The following RCAN2 variants were observed in gnomAD, a reference collection of about 807,000 sequenced individuals.
RCAN2 encodes the protein regulator of calcineurin 2.
Under a neutral mutation model 23.6 loss-of-function variants are expected in RCAN2, and 9 were observed. That is an observed-to-expected ratio of 0.38 (90% CI 0.23 to 0.67). The LOEUF is 0.67. RCAN2 is among the 30% of genes least tolerant of loss of function. The pLI is 0.51. For missense variants in RCAN2, 273 were observed against 302.3 expected, an observed-to-expected ratio of 0.90 and a Z score of 0.72; for synonymous variants, 109 against 115.7, an observed-to-expected ratio of 0.94 and a Z score of 0.37.
At chr6:46,368,792 G>A (rs1899407) in intron 2 of RCAN2, among the ~76,000 whole-genome samples, 62,094 of 151,954 alleles carry the variant, frequency 0.41, 15,634 homozygotes, top group East Asian at 0.59. Context: ...AGTGAGTGGC[G>A]AGTGAATGTG....
intron 2 of RCAN2, among the ~76,000 whole-genome samples, chr6:46,368,064 A>G (rs974418161): frequency 1.3e-5 from 2 of 152,120 alleles, no homozygotes; most frequent in Non-Finnish European, 2.9e-5. Flanking sequence ...GATAGTAACT[A>G]TTTTGGGCTT....
intron 2 of RCAN2, among the ~76,000 whole-genome samples, chr6:46,286,293 T>C (rs1480538314): frequency 6.6e-6 from 1 of 152,222 alleles, no homozygotes; most frequent in Non-Finnish European, 1.5e-5. Context: ...GTCATTTTCT[T>C]TTTTCTCTCC....
chr6:46,322,997 T>C (rs1429268987), intron 2 of RCAN2, among the ~76,000 whole-genome samples: 1 of 152,238 alleles, frequency 6.6e-6, no homozygotes, highest in Non-Finnish European at 1.5e-5. Context: ...CTTTGCTTTT[T>C]AATAATGTTA....
chr6:46,360,152 A>G (rs903884169), intron 2 of RCAN2, among the ~76,000 whole-genome samples: 5 of 152,082 alleles, frequency 3.3e-5, no homozygotes, highest in Non-Finnish European at 7.4e-5. Context: ...TTTCAAACCA[A>G]CTATGCAGTT....
At chr6:46,302,591 C>G (rs1386773101) in intron 2 of RCAN2, among the ~76,000 whole-genome samples, 1 of 152,082 alleles carries the variant, frequency 6.6e-6, no homozygotes, top group East Asian at 1.9e-4. Flanking sequence ...TAAACAAATG[C>G]TTGGTGTTTA....
chr6:46,455,045 G>A (rs1284429254), intron 2 of RCAN2, among the ~76,000 whole-genome samples: 1 of 152,216 alleles, frequency 6.6e-6, no homozygotes, highest in African/African-American at 2.4e-5. Context: ...GTGATATTTA[G>A]AGAAATGGAT....
At chr6:46,489,324 T>G (rs1485158495) in intron 1 of RCAN2, among the ~76,000 whole-genome samples, 4 of 152,232 alleles carry the variant, frequency 2.6e-5, no homozygotes, top group Admixed American at 2.6e-4. Flanking sequence ...TCATTACCAT[T>G]TATTTTCTTC....
intron 2 of RCAN2, among the ~76,000 whole-genome samples, chr6:46,302,207 G>C (rs184649878): frequency 5.9e-5 from 9 of 152,224 alleles, no homozygotes. Flanking sequence ...TCTGTGGCCT[G>C]AGCAACTGGG....
At chr6:46,390,382 T>A (rs1324576075) in intron 2 of RCAN2, among the ~76,000 whole-genome samples, 2 of 152,234 alleles carry the variant, frequency 1.3e-5, no homozygotes, top group Non-Finnish European at 2.9e-5. Context: ...TTGTTCTCAC[T>A]GCATTTGTGG....
intron 2 of RCAN2, among the ~76,000 whole-genome samples, chr6:46,347,925 G>T (rs1225908320): frequency 1.3e-5 from 2 of 152,158 alleles, no homozygotes; most frequent in East Asian, 3.8e-4. Context: ...TTCTTTCTTG[G>T]CATAGTAATG....
chr6:46,354,659 G>A (rs1352829438), intron 2 of RCAN2, among the ~76,000 whole-genome samples: 1 of 152,176 alleles, frequency 6.6e-6, no homozygotes, highest in African/African-American at 2.4e-5. Flanking sequence ...AAGCTCCCAG[G>A]TGATAGCAAA....
rs569865798 is a variant in RCAN2, at chr6:46,310,074, T to C, written c.226-61178A>G. On this transcript the variant is annotated intron_variant, in intron 2 of 4. Coordinates refer to ENST00000371374, the MANE Select transcript of RCAN2 (RefSeq NM_001251974.2). ...GACTAAGATTTTGAGGTAAGGTGTTTCCCATCCTTTGGGTGTTACAAAGTG... is the reference window on the plus strand; with the variant it reads ...GACTAAGATTTTGAGGTAAGGTGTTCCCCATCCTTTGGGTGTTACAAAGTG... Among the ~76,000 whole-genome samples, 3 of 152,256 alleles carry C rather than the reference T, an allele frequency of 2.0e-5. No homozygotes were observed. The East Asian group carries it at 5.8e-4, about 29-fold the overall frequency.
chr6:46,491,695 A>T (rs1024074966), upstream of RCAN2, among the ~76,000 whole-genome samples: 1 of 150,680 alleles, frequency 6.6e-6, no homozygotes, highest in Non-Finnish European at 1.5e-5. Context: ...GGGAGGGCGC[A>T]GGAGCCTCCG....
intron 2 of RCAN2, among the ~76,000 whole-genome samples, chr6:46,433,432 C>T (rs1767274682): frequency 1.3e-5 from 2 of 152,096 alleles, no homozygotes; most frequent in African/African-American, 2.4e-5. Context: ...GATGCGATTA[C>T]ATTAAGGACT....
At chr6:46,284,886 T>C (rs1257684805) in intron 2 of RCAN2, among the ~76,000 whole-genome samples, 1 of 152,242 alleles carries the variant, frequency 6.6e-6, no homozygotes, top group Non-Finnish European at 1.5e-5. Flanking sequence ...AATACTCAAC[T>C]GTTAAGATGC....
At chr6:46,452,406 A>C (rs998386326) in intron 2 of RCAN2, among the ~76,000 whole-genome samples, 6 of 152,328 alleles carry the variant, frequency 3.9e-5, no homozygotes, top group African/African-American at 1.4e-4. Flanking sequence ...GTTGCATTAC[A>C]TGTTCATGAT....
intron 4 of RCAN2, among the ~76,000 whole-genome samples, chr6:46,230,336 T>G (rs996925423): frequency 6.6e-6 from 1 of 152,222 alleles, no homozygotes; most frequent in African/African-American, 2.4e-5. Flanking sequence ...TGAAGAAGTT[T>G]CTGCTGCCTT....
intron 2 of RCAN2, among the ~76,000 whole-genome samples, chr6:46,288,878 C>T (rs939153901): frequency 2.6e-5 from 4 of 152,256 alleles, no homozygotes; most frequent in Admixed American, 1.3e-4. Flanking sequence ...GTGCCTAGTA[C>T]AACACCCAAC....
At chr6:46,447,588 C>T (rs996545946) in intron 2 of RCAN2, among the ~76,000 whole-genome samples, 2 of 151,814 alleles carry the variant, frequency 1.3e-5, no homozygotes, top group Non-Finnish European at 3.0e-5. Context: ...TAGGATAGAT[C>T]ATATTAGAGC....
Sources: gnomAD v4.1 joint callset for allele counts (sites outside exome capture counted in the v4.1 genomes callset) on GRCh38, gnomAD v4.1.1 for gene constraint, MANE v1.5 for transcripts, NCBI Gene and HGNC (gene_info 2026-07-23, HGNC 2026-07-21) for gene names.